Variants in RIT2 observed in about 807,000 individuals in gnomAD.
The protein encoded by RIT2 is GTP-binding protein Rit2.
Under a neutral mutation model 23.7 loss-of-function variants are expected in RIT2, and 24 were observed. That is an observed-to-expected ratio of 1.01 (90% CI 0.73 to 1.43). The LOEUF is 1.43. RIT2 is among the 40% of genes most tolerant of loss of function. RIT2 has a pLI of 0.00. For missense variants in RIT2, 236 were observed against 266.9 expected, an observed-to-expected ratio of 0.88 and a Z score of 0.81; for synonymous variants, 107 against 91.1, an observed-to-expected ratio of 1.17 and a Z score of -0.99.
At chr18:42,921,520 A>C (rs1369436558) in intron 4 of RIT2, among the ~76,000 whole-genome samples, 3 of 152,156 alleles carry the variant, frequency 2.0e-5, no homozygotes, top group Non-Finnish European at 4.4e-5. Context: ...TCTGATAAAC[A>C]TGCCTTTGTG....
intron 2 of RIT2, among the ~76,000 whole-genome samples, chr18:43,026,544 C>T (rs1235517885): frequency 1.7e-5 from 2 of 116,216 alleles, no homozygotes; most frequent in African/African-American, 7.0e-5. Context: ...CAGAGTAAGA[C>T]TCTGTCAAAA....
At chr18:42,851,762 A>T (rs2144036895) in intron 4 of RIT2, among the ~76,000 whole-genome samples, 1 of 152,174 alleles carries the variant, frequency 6.6e-6, no homozygotes, top group Non-Finnish European at 1.5e-5. Context: ...AGGCAGGGGA[A>T]TTGCTTGAAC....
intron 1 of RIT2, among the ~76,000 whole-genome samples, chr18:43,059,371 A>G (rs758570058): frequency 2.9e-4 from 44 of 152,104 alleles, no homozygotes; most frequent in Non-Finnish European, 4.6e-4. Flanking sequence ...CAAAACCACA[A>G]TGTTATTCTT....
intron 2 of RIT2, among the ~76,000 whole-genome samples, chr18:42,986,894 G>A (rs1910722194): frequency 6.6e-6 from 1 of 151,976 alleles, no homozygotes; most frequent in Non-Finnish European, 1.5e-5. Flanking sequence ...CCAATAAAAA[G>A]CAAATTAAAA....
chr18:43,109,626 C>G (rs747522238), intron 1 of RIT2, among the ~76,000 whole-genome samples: 4 of 152,056 alleles, frequency 2.6e-5, no homozygotes, highest in African/African-American at 4.8e-5. Flanking sequence ...TTATAGCCAC[C>G]CCTTATACTG....
At chr18:42,876,714 A>G (rs184918904) in intron 4 of RIT2, among the ~76,000 whole-genome samples, 1 of 151,674 alleles carries the variant, frequency 6.6e-6, no homozygotes, top group Admixed American at 6.6e-5. Flanking sequence ...TTTTTTTCTA[A>G]TAAGTAATAG....
intron 4 of RIT2, among the ~76,000 whole-genome samples, chr18:42,913,862 C>CA (rs1255832217): frequency 3.3e-5 from 5 of 151,828 alleles, no homozygotes; most frequent in Non-Finnish European, 5.9e-5. Flanking sequence ...GTTCTCACCA[C>CA]AAAAAATAAG....
chr18:42,935,568 G>A (rs540295170), intron 3 of RIT2, among the ~76,000 whole-genome samples: 1 of 152,122 alleles, frequency 6.6e-6, no homozygotes, highest in Non-Finnish European at 1.5e-5. Context: ...ATCGAAGAGA[G>A]CCCGGAACTT....
At chr18:42,773,977 A>G (rs1244336975) in intron 4 of RIT2, among the ~76,000 whole-genome samples, 1 of 152,206 alleles carries the variant, frequency 6.6e-6, no homozygotes, top group African/African-American at 2.4e-5. Context: ...GGTACACAAA[A>G]AGGTTTGTTG....
intron 4 of RIT2, among the ~76,000 whole-genome samples, chr18:42,879,960 T>A (rs898046941): frequency 6.6e-6 from 1 of 152,174 alleles, no homozygotes; most frequent in East Asian, 1.9e-4. Context: ...TGTATCTGAC[T>A]GCTAGATTTC....
At chr18:43,046,398 C>A (rs977302528) in intron 1 of RIT2, among the ~76,000 whole-genome samples, 2 of 152,210 alleles carry the variant, frequency 1.3e-5, no homozygotes, top group Non-Finnish European at 2.9e-5. Context: ...GTGACACAAA[C>A]ACAACCACTG....
intron 3 of RIT2, among the ~76,000 whole-genome samples, chr18:42,948,779 A>C (rs1909783515): frequency 6.6e-6 from 1 of 152,064 alleles, no homozygotes; most frequent in Admixed American, 6.6e-5. Flanking sequence ...AGCAAACCAA[A>C]AGCATGCAAA....
At chr18:43,087,822 G>A (rs1313768760) in intron 1 of RIT2, among the ~76,000 whole-genome samples, 7 of 152,232 alleles carry the variant, frequency 4.6e-5, no homozygotes. Context: ...TGGTTGTCTA[G>A]AGGCCAACTC....
At chr18:42,859,548 C>A (rs534748997) in intron 4 of RIT2, among the ~76,000 whole-genome samples, 3 of 152,070 alleles carry the variant, frequency 2.0e-5, no homozygotes, top group East Asian at 1.9e-4. Context: ...AGTTTTTGAT[C>A]TGGTACGTCC....
intron 1 of RIT2, among the ~76,000 whole-genome samples, chr18:43,100,004 T>C (rs1217976781): frequency 8.5e-5 from 13 of 152,140 alleles, no homozygotes; most frequent in African/African-American, 3.1e-4. Context: ...ATTTCATTTA[T>C]TCACTAGGCA....
intron 4 of RIT2, among the ~76,000 whole-genome samples, chr18:42,889,620 T>A (rs1908118297): frequency 6.6e-6 from 1 of 152,106 alleles, no homozygotes; most frequent in Admixed American, 6.6e-5. Flanking sequence ...TTTTTTGTAA[T>A]GGATTAGTGA....
chr18:42,854,406 C>G (rs1446824333), intron 4 of RIT2, among the ~76,000 whole-genome samples: 1 of 152,050 alleles, frequency 6.6e-6, no homozygotes. Flanking sequence ...GCATGATTAT[C>G]CAGGAAGGCA....
At chr18:42,850,315 AG>A (rs1054790948) in intron 4 of RIT2, among the ~76,000 whole-genome samples, 2 of 152,196 alleles carry the variant, frequency 1.3e-5, no homozygotes, top group Non-Finnish European at 2.9e-5. Context: ...ATTTTACCCT[AG>A]GGCATGGCTA....
chr18:42,943,404 G>A (rs550509387), intron 3 of RIT2, among the ~76,000 whole-genome samples: 2 of 151,976 alleles, frequency 1.3e-5, no homozygotes, highest in Non-Finnish European at 2.9e-5. Context: ...AGTTCTCCAA[G>A]TCCCCACTCG....
Sources: gnomAD v4.1 joint callset for allele counts (sites outside exome capture counted in the v4.1 genomes callset) on GRCh38, gnomAD v4.1.1 for gene constraint, MANE v1.5 for transcripts, NCBI Gene and HGNC (gene_info 2026-07-23, HGNC 2026-07-21) for gene names.